Variants in RARB observed in about 807,000 individuals in gnomAD.
RARB encodes the protein HBV-activated protein.
A neutral mutation model predicts 51.9 loss-of-function variants in RARB; 17 were observed. The ratio of observed to expected loss-of-function variants is 0.33; its 90% CI spans 0.22 to 0.49. RARB has a LOEUF of 0.49. RARB is among the 20% of genes least tolerant of loss of function. The pLI is 0.99. For synonymous variants in RARB, 215 were observed against 195.4 expected (o/e 1.10, Z -0.84); for missense variants, 369 against 550.8 (o/e 0.67, Z 3.30).
At position 25,181,421 on chromosome 3, in the gene RARB, G is replaced by A. The variant is rs117960552; in HGVS notation, c.178+6846G>A. ...GTAGAGAAACCCATTTCATCTTTGC[G>A]GAATGATTGAATCAATGGTTTTTGC... On this transcript the variant is annotated intron_variant, in intron 5 of 11. Coordinates refer to the RARB transcript ENST00000383772. Among the ~76,000 whole-genome samples the A allele has an allele frequency of 2.4e-3, 364 of 152,224 alleles. 2 individuals are homozygous for A. Among genetic ancestry groups the A allele is most frequent in the East Asian group, 0.02 (104 of 5,178 alleles).
intron 5 of RARB, among the ~76,000 whole-genome samples, chr3:25,590,250 A>T (rs902206784): frequency 6.6e-6 from 1 of 152,216 alleles, no homozygotes; most frequent in African/African-American, 2.4e-5. Flanking sequence ...AACCTTTTCG[A>T]ATAGAATAGT....
chr3:25,189,423 C>T (rs1701047338), intron 5 of RARB, among the ~76,000 whole-genome samples: 1 of 152,142 alleles, frequency 6.6e-6, no homozygotes, highest in African/African-American at 2.4e-5. Context: ...TTGACAAGGA[C>T]CTGAGGAGCC....
intron 5 of RARB, among the ~76,000 whole-genome samples, chr3:25,414,290 G>C (rs1022794065): frequency 3.3e-5 from 5 of 152,128 alleles, no homozygotes; most frequent in African/African-American, 4.8e-5. Context: ...CCATTGTATG[G>C]ATATACCACA....
intron 1 of RARB, among the ~76,000 whole-genome samples, chr3:24,830,893 A>G (rs1559365953): frequency 6.6e-6 from 1 of 152,186 alleles, no homozygotes; most frequent in Non-Finnish European, 1.5e-5. Context: ...AAGAGGTGCT[A>G]GAAGTAGGAG....
rs903927925 is a variant in RARB, at chr3:25,597,909, A to C, written c.*1293A>C. On this transcript the variant is annotated 3_prime_UTR_variant, in exon 8 of 8. Coordinates refer to ENST00000330688, the MANE Select transcript of RARB (RefSeq NM_000965.5). Reference sequence around the variant, plus strand: ...CTTTTTCCATGGAGTCTCCTGGCAAAGAATAAAATATATTTATTTTAAAGG... The same window carrying C: ...CTTTTTCCATGGAGTCTCCTGGCAACGAATAAAATATATTTATTTTAAAGG... 1.3e-5 allele frequency: 2 copies of C among 153,532 alleles called. No homozygotes were observed. Among genetic ancestry groups the C allele is most frequent in the Non-Finnish European group, 2.9e-5 (2 of 68,710 alleles). The allele number at this position is 153,532 out of a possible 1,614,324, so 9.5% of individuals were successfully genotyped here.
chr3:25,015,076 G>A (rs942925387), intron 2 of RARB, among the ~76,000 whole-genome samples: 1 of 152,108 alleles, frequency 6.6e-6, no homozygotes, highest in Non-Finnish European at 1.5e-5. Context: ...GCGTTCTGTT[G>A]CCCTGAAAAA....
intron 2 of RARB, among the ~76,000 whole-genome samples, chr3:24,873,088 C>A (rs1702977614): frequency 6.6e-6 from 1 of 152,174 alleles, no homozygotes; most frequent in African/African-American, 2.4e-5. Flanking sequence ...AAAAGTGGGG[C>A]TATATTCCAA....
chr3:24,857,818 T>C (rs1702662898), intron 1 of RARB, among the ~76,000 whole-genome samples: 1 of 152,132 alleles, frequency 6.6e-6, no homozygotes, highest in South Asian at 2.1e-4. Flanking sequence ...TCCAGCTACT[T>C]GGGAGGCTGA....
At chr3:25,496,987 C>T (rs995144819) in intron 2 of RARB, among the ~76,000 whole-genome samples, 39 of 152,158 alleles carry the variant, frequency 2.6e-4, no homozygotes, top group African/African-American at 8.7e-4. Flanking sequence ...CGGGTTCAAG[C>T]GATTCTCCTG....
chr3:24,960,769 T>C (rs1255454060), intron 2 of RARB, among the ~76,000 whole-genome samples: 2 of 152,210 alleles, frequency 1.3e-5, no homozygotes, highest in African/African-American at 4.8e-5. Flanking sequence ...GATTTTTTTT[T>C]TTTTTAACTT....
intron 3 of RARB, among the ~76,000 whole-genome samples, chr3:25,120,749 A>G (rs1429766300): frequency 6.6e-6 from 1 of 152,170 alleles, no homozygotes; most frequent in Non-Finnish European, 1.5e-5. Flanking sequence ...TGACCTACGG[A>G]GACTTCATAA....
At chr3:25,488,568 G>T (rs1696578411) in intron 2 of RARB, among the ~76,000 whole-genome samples, 1 of 152,162 alleles carries the variant, frequency 6.6e-6, no homozygotes, top group African/African-American at 2.4e-5. Context: ...TGGGGGCAGG[G>T]TCTGACACCC....
At position 25,118,711 on chromosome 3, in the gene RARB, G is replaced by A. The variant is rs147236813; in HGVS notation, c.-327-13450G>A. Among the ~76,000 whole-genome samples the A allele has an allele frequency of 4.6e-5, 7 of 152,186 alleles. No individual in the cohort carries two copies. The East Asian group carries it at 1.2e-3, about 25-fold the overall frequency. On this transcript the variant is annotated intron_variant, in intron 3 of 11. Transcript: ENST00000383772. ...CTGAAGTTAAAGTGTTTAACAATGA[G>A]ATATGTCTTGGTGGAAGGATACCTG...
At chr3:25,135,485 G>A (rs1700018489) in intron 4 of RARB, among the ~76,000 whole-genome samples, 1 of 151,844 alleles carries the variant, frequency 6.6e-6, no homozygotes, top group Non-Finnish European at 1.5e-5. Flanking sequence ...CCTTAGAATG[G>A]CAAATAGACC....
chr3:24,873,027 C>A (rs1484734336), intron 2 of RARB, among the ~76,000 whole-genome samples: 1 of 152,214 alleles, frequency 6.6e-6, no homozygotes, highest in African/African-American at 2.4e-5. Flanking sequence ...AGCTATTCAA[C>A]TCAGCTATTC....
At chr3:25,089,896 G>GT (rs1699166840) in intron 3 of RARB, among the ~76,000 whole-genome samples, 1 of 152,104 alleles carries the variant, frequency 6.6e-6, no homozygotes. Context: ...CCAGATGTTA[G>GT]TATATTAGCC....
intron 2 of RARB, among the ~76,000 whole-genome samples, chr3:24,971,186 T>C (rs1376289000): frequency 6.6e-6 from 1 of 152,008 alleles, no homozygotes; most frequent in Non-Finnish European, 1.5e-5. Flanking sequence ...ATGCCAATTG[T>C]CTCCATGCAT....
At chr3:24,891,294 C>T (rs1305786708) in intron 2 of RARB, among the ~76,000 whole-genome samples, 1 of 152,118 alleles carries the variant, frequency 6.6e-6, no homozygotes, top group Non-Finnish European at 1.5e-5. Flanking sequence ...ATGCTCTACC[C>T]AACTAATAGC....
chr3:25,260,641 A>T (rs1177572914), intron 5 of RARB, among the ~76,000 whole-genome samples: 1 of 152,060 alleles, frequency 6.6e-6, no homozygotes, highest in African/African-American at 2.4e-5. Flanking sequence ...CTAGAGGAAA[A>T]GGGGTCCCAT....
Sources: allele counts gnomAD v4.1 joint callset (sites outside exome capture counted in the v4.1 genomes callset), GRCh38; gene constraint gnomAD v4.1.1; transcripts MANE v1.5; gene names NCBI Gene and HGNC (gene_info 2026-07-23, HGNC 2026-07-21).